ZZZ3: variants seen among roughly 807,000 people sequenced by gnomAD.
The protein encoded by ZZZ3 is ZZ-type zinc finger-containing protein 3.
Under a neutral mutation model 95.2 loss-of-function variants are expected in ZZZ3, and 22 were observed. The observed-to-expected ratio is 0.23, with a 90% CI of 0.17 to 0.33. ZZZ3 has a LOEUF of 0.33. Ranked by LOEUF, ZZZ3 falls within the 10% of genes least tolerant of loss-of-function variation. ZZZ3 has a pLI of 1.00. For missense variants in ZZZ3, 885 were observed against 1,066.5 expected, an observed-to-expected ratio of 0.83 and a Z score of 2.37; for synonymous variants, 335 against 358.9, an observed-to-expected ratio of 0.93 and a Z score of 0.75.
chr1:77,576,231 A>C lies in ZZZ3; in HGVS notation c.2179-11T>G. 1 of 1,562,604 alleles carries C rather than the reference A, an allele frequency of 6.4e-7. No homozygotes were observed. The highest frequency in any genetic ancestry group is 8.6e-7 in the Non-Finnish European group (1 of 1,160,514). The stretch of plus-strand genomic sequence containing the variant: ...TCTGCTTGTTGAAGACTAAGTAAGA[A>C]AACAAATTTTTAATTGGTTCAGTGA... On this transcript the variant is annotated splice_polypyrimidine_tract_variant and intron_variant, in intron 11 of 14. Transcript: ENST00000370801.
chr1:77,663,011 G>A (rs1000677968), intron 1 of ZZZ3, among the ~76,000 whole-genome samples: 2 of 151,808 alleles, frequency 1.3e-5, no homozygotes, highest in African/African-American at 2.4e-5. Flanking sequence ...AGGCTGACGT[G>A]AAAAGATTGC....
intron 1 of ZZZ3, among the ~76,000 whole-genome samples, chr1:77,670,229 C>T (rs1434466205): frequency 6.6e-6 from 1 of 151,444 alleles, no homozygotes; most frequent in Non-Finnish European, 1.5e-5. Flanking sequence ...CTTTAATAAA[C>T]CAGTACTGTC....
intron 1 of ZZZ3, among the ~76,000 whole-genome samples, chr1:77,642,043 A>G (rs1185234993): frequency 6.6e-6 from 1 of 152,224 alleles, no homozygotes; most frequent in African/African-American, 2.4e-5. Flanking sequence ...GAATAAATCT[A>G]TAATTAAAAA....
At chr1:77,672,840 C>A (rs777478455) in intron 1 of ZZZ3, among the ~76,000 whole-genome samples, 3 of 152,146 alleles carry the variant, frequency 2.0e-5, no homozygotes, top group Non-Finnish European at 4.4e-5. Context: ...AAAGTTAGTT[C>A]ATCTCTCCCC....
chr1:77,581,115 T>C (rs371439029), intron 8 of ZZZ3, 46 bp from the exon 9 acceptor site: 5 of 1,389,346 alleles, frequency 3.6e-6, no homozygotes, highest in Admixed American at 1.7e-5. Context: ...TAACAACACC[T>C]ATCCTTTGAT....
intron 1 of ZZZ3, among the ~76,000 whole-genome samples, chr1:77,678,198 T>C (rs1181817294): frequency 6.6e-6 from 1 of 152,224 alleles, no homozygotes; most frequent in Non-Finnish European, 1.5e-5. Flanking sequence ...GCAAATGTGC[T>C]AATCTTTAGG....
intron 4 of ZZZ3, among the ~76,000 whole-genome samples, chr1:77,637,452 T>C (rs994399543): frequency 6.6e-6 from 1 of 152,176 alleles, no homozygotes; most frequent in Non-Finnish European, 1.5e-5. Context: ...GATAGGCATA[T>C]ATAAAGGTAC....
chr1:77,623,713 A>G (rs1197601449), intron 5 of ZZZ3, among the ~76,000 whole-genome samples: 5 of 152,152 alleles, frequency 3.3e-5, no homozygotes, highest in Non-Finnish European at 4.4e-5. Context: ...CTATAATCCA[A>G]TTCCCAAGAT....
At chr1:77,636,231 G>A (rs1189801103) in intron 4 of ZZZ3, among the ~76,000 whole-genome samples, 3 of 151,966 alleles carry the variant, frequency 2.0e-5, no homozygotes, top group South Asian at 4.1e-4. Flanking sequence ...CCAATTAAGG[G>A]CATAAAAACC....
At chr1:77,665,535 T>C (rs968491983) in intron 1 of ZZZ3, among the ~76,000 whole-genome samples, 9 of 152,194 alleles carry the variant, frequency 5.9e-5, no homozygotes, top group South Asian at 2.1e-4. Context: ...TAAGTTCCTA[T>C]AGACAATGAT....
chr1:77,583,195 T>C lies in ZZZ3; in HGVS notation c.1645-1069A>G, dbSNP rs140801415. ...CAGGAAATAATCAACTGCATGCAAA[T>C]CTAGTAAATATGCCTAATTGCATCT... On this transcript the variant is annotated intron_variant, in intron 6 of 14. Coordinates refer to ENST00000370801, the MANE Select transcript of ZZZ3 (RefSeq NM_015534.6). 4.6e-5 allele frequency among the ~76,000 whole-genome samples: 7 copies of C among 152,092 alleles called. 1 individual carries two copies. The East Asian group carries it at 1.3e-3, about 29-fold the overall frequency.
chr1:77,638,445 A>G (rs377016437), intron 4 of ZZZ3, among the ~76,000 whole-genome samples: 1 of 152,192 alleles, frequency 6.6e-6, no homozygotes, highest in South Asian at 2.1e-4. Context: ...AAGAACTAAA[A>G]CAGATAATAA....
intron 5 of ZZZ3, among the ~76,000 whole-genome samples, chr1:77,630,981 T>C (rs1557742864): frequency 6.6e-6 from 1 of 152,242 alleles, no homozygotes; most frequent in Non-Finnish European, 1.5e-5. Context: ...GTAATTAACT[T>C]ATTACATAAG....
chr1:77,575,924 C>T (rs1236040681), intron 12 of ZZZ3, 144 bp downstream of exon 12: 1 of 582,022 alleles, frequency 1.7e-6, no homozygotes. Context: ...TGAAATTTTC[C>T]TCACAAAAGT....
chr1:77,565,908 A>C, intron 14 of ZZZ3, 124 bp from the exon 15 acceptor site: 1 of 1,209,476 alleles, frequency 8.3e-7, no homozygotes, highest in Non-Finnish European at 1.1e-6. Flanking sequence ...TCCAACGGAA[A>C]GTTACTTGAC....
intron 13 of ZZZ3, 92 bp from the exon 14 acceptor site, chr1:77,566,273 C>T (rs1246559517): frequency 2.4e-6 from 2 of 817,290 alleles, no homozygotes; most frequent in African/African-American, 3.5e-5. Context: ...TGCACACAGA[C>T]ATCTTCTCTT....
chr1:77,568,692 C>T (rs1661080341), intron 12 of ZZZ3, among the ~76,000 whole-genome samples: 2 of 138,706 alleles, frequency 1.4e-5, no homozygotes, highest in African/African-American at 2.7e-5. Flanking sequence ...TTGTAGCAGA[C>T]TACTTCAATG....
chr1:77,668,145 C>T (rs145545200), intron 1 of ZZZ3, among the ~76,000 whole-genome samples: 85 of 152,216 alleles, frequency 5.6e-4, no homozygotes, highest in African/African-American at 1.9e-3. Flanking sequence ...AGATTACTCA[C>T]GTTTTTCTTC....
intron 1 of ZZZ3, among the ~76,000 whole-genome samples, chr1:77,654,185 CAA>C (rs749067016): frequency 0.32 from 20,301 of 63,970 alleles, 820 homozygotes; most frequent in Middle Eastern, 0.4. Flanking sequence ...GACTCCATCT[CAA>C]AAAAAAAAAA....
Sources: gnomAD v4.1 joint callset for allele counts (sites outside exome capture counted in the v4.1 genomes callset) on GRCh38, gnomAD v4.1.1 for gene constraint, MANE v1.5 for transcripts, NCBI Gene and HGNC (gene_info 2026-07-23, HGNC 2026-07-21) for gene names.